The following CSNK2A2 variants were observed in gnomAD, a reference collection of about 807,000 sequenced individuals.
CSNK2A2 encodes the protein casein kinase 2 alpha 2.
In CSNK2A2, 8 loss-of-function variants were observed where a neutral mutation model predicts 54.0. The ratio of observed to expected loss-of-function variants is 0.15; its 90% CI spans 0.09 to 0.27. The LOEUF is 0.27. Among genes scored for constraint, CSNK2A2 ranks in the 10% least tolerant of loss-of-function variants. The pLI, the probability that CSNK2A2 is intolerant of heterozygous loss-of-function variation, is 1.00. For missense variants in CSNK2A2, 242 were observed against 439.4 expected (o/e 0.55, Z 4.02); for synonymous variants, 141 against 153.9 (o/e 0.92, Z 0.62).
chr16:58,189,443 C>G (rs1203064713), intron 2 of CSNK2A2, among the ~76,000 whole-genome samples: 1 of 152,196 alleles, frequency 6.6e-6, no homozygotes, highest in African/African-American at 2.4e-5. Context: ...TCTTCTAATT[C>G]TAACAGTACT....
chr16:58,197,785 G>A lies in CSNK2A2; in HGVS notation c.-49C>T, dbSNP rs1045122658. The A allele has an allele frequency of 1.6e-4, 83 of 530,326 alleles. No homozygotes were observed. Among genetic ancestry groups the A allele is most frequent in the Non-Finnish European group, 1.9e-4 (80 of 415,036 alleles). The allele number at this position is 530,326 out of a possible 1,614,324, so 32.9% of individuals were successfully genotyped here. On this transcript the variant is annotated 5_prime_UTR_variant, in exon 1 of 12. Coordinates refer to ENST00000262506, the MANE Select transcript of CSNK2A2 (RefSeq NM_001896.4). The surrounding 1 kb of genome is among the most constrained non-coding windows in gnomAD (Gnocchi z 4.0). The stretch of plus-strand genomic sequence containing the variant: ...GCGGGGCGCAGAGGGTGGCGGCGGC[G>A]GCGCGGCGGGGGACGCGGGGCGTCG...
intron 3 of CSNK2A2, 87 bp from the exon 4 acceptor site, chr16:58,184,397 C>A: frequency 1.1e-6 from 1 of 898,464 alleles, no homozygotes; most frequent in South Asian, 1.6e-5. Context: ...TCCCCAAATC[C>A]TACTTAGGTA....
chr16:58,170,543 T>A (rs12920950), intron 5 of CSNK2A2, among the ~76,000 whole-genome samples: 14,174 of 152,160 alleles, frequency 0.093, 780 homozygotes, highest in East Asian at 0.15. Context: ...TTTAAACTTT[T>A]AAGAAACTGC....
intron 4 of CSNK2A2, among the ~76,000 whole-genome samples, chr16:58,178,979 CAGCTATA>C (rs1961953553): frequency 6.6e-6 from 1 of 152,120 alleles, no homozygotes; most frequent in Non-Finnish European, 1.5e-5. Context: ...CACAAACACA[CAGCTATA>C]AAGAACATTA....
chr16:58,186,154 T>C (rs1328537602), intron 3 of CSNK2A2, among the ~76,000 whole-genome samples: 2 of 152,182 alleles, frequency 1.3e-5, no homozygotes, highest in Admixed American at 6.5e-5. Context: ...AAGGTTAAGT[T>C]ACTCCCTAGG....
intron 4 of CSNK2A2, among the ~76,000 whole-genome samples, chr16:58,182,268 C>A (rs1013711416): frequency 6.7e-6 from 1 of 148,184 alleles, no homozygotes; most frequent in Non-Finnish European, 1.5e-5. Flanking sequence ...CGGTGGCTCA[C>A]GCTTGTAATC....
intron 3 of CSNK2A2, among the ~76,000 whole-genome samples, chr16:58,185,662 T>C (rs1406432612): frequency 6.6e-6 from 1 of 152,188 alleles, no homozygotes; most frequent in Non-Finnish European, 1.5e-5. Flanking sequence ...AATCAATTTG[T>C]GCTAAAAGGA....
chr16:58,195,471 GAA>G (rs1482836367), intron 2 of CSNK2A2, among the ~76,000 whole-genome samples: 1 of 151,804 alleles, frequency 6.6e-6, no homozygotes, highest in Admixed American at 6.6e-5. Context: ...CTAGCACACA[GAA>G]ACAGCTTTTC....
intron 2 of CSNK2A2, among the ~76,000 whole-genome samples, chr16:58,193,206 G>A (rs1026846593): frequency 2.0e-5 from 3 of 152,086 alleles, no homozygotes; most frequent in Non-Finnish European, 4.4e-5. Context: ...CCTACCACAG[G>A]AGAAATAAAG....
intron 2 of CSNK2A2, among the ~76,000 whole-genome samples, chr16:58,187,471 C>A (rs1352064819): frequency 6.6e-6 from 1 of 152,172 alleles, no homozygotes; most frequent in Non-Finnish European, 1.5e-5. Context: ...AAGGAGAAAT[C>A]AATCTGATAC....
At chr16:58,165,390 A>C (rs756577618) in intron 10 of CSNK2A2, among the ~76,000 whole-genome samples, 170 bp downstream of exon 10, 1 of 152,262 alleles carries the variant, frequency 6.6e-6, no homozygotes, top group Non-Finnish European at 1.5e-5. Context: ...TTGGTGATCA[A>C]GAAACGGATC....
At chr16:58,162,389 TC>T (rs1438992335) in intron 11 of CSNK2A2, 1 of 152,176 alleles carries the variant, frequency 6.6e-6, no homozygotes, top group African/African-American at 2.4e-5. Flanking sequence ...CTGAATGCAT[TC>T]CTTGGCTTTG....
chr16:58,188,321 C>G (rs1298089896), intron 2 of CSNK2A2, among the ~76,000 whole-genome samples: 2 of 152,202 alleles, frequency 1.3e-5, no homozygotes, highest in Non-Finnish European at 2.9e-5. Flanking sequence ...TTCCCCGACT[C>G]CACTTAGAAA....
intron 2 of CSNK2A2, 81 bp from the exon 3 acceptor site, chr16:58,186,937 G>C (rs1177335701): frequency 1.8e-6 from 2 of 1,093,282 alleles, no homozygotes; most frequent in Non-Finnish European, 2.8e-6. Flanking sequence ...TAGCCAATCA[G>C]ATGGATAGTA....
chr16:58,196,853 G>A lies in CSNK2A2; in HGVS notation c.105-9C>T, dbSNP rs771502536. On this transcript the variant is annotated splice_polypyrimidine_tract_variant and intron_variant, in intron 1 of 11. Coordinates refer to ENST00000262506, the MANE Select transcript of CSNK2A2 (RefSeq NM_001896.4). Reference sequence around the variant, plus strand: ...GGTAATCATCTTGATTACTGTAAAAGGAAGACACACACATAAATGCCAGGA... The same window carrying A: ...GGTAATCATCTTGATTACTGTAAAAAGAAGACACACACATAAATGCCAGGA... The A allele has an allele frequency of 2.6e-6, 4 of 1,552,656 alleles. No individual in the cohort carries two copies. The highest frequency in any genetic ancestry group is 3.6e-6 in the Non-Finnish European group (4 of 1,123,938).
chr16:58,159,898 A>C (rs1195912480), intron 11 of CSNK2A2: 1 of 151,456 alleles, frequency 6.6e-6, no homozygotes, highest in Admixed American at 6.6e-5. Context: ...TTATTGATTC[A>C]AAGTTGTTTT....
At chr16:58,166,794 A>G in intron 8 of CSNK2A2, 110 bp from the exon 9 acceptor site, 1 of 744,420 alleles carries the variant, frequency 1.3e-6, no homozygotes, top group Non-Finnish European at 2.3e-6. Context: ...AACCTCTAGG[A>G]ACGAGATACA....
chr16:58,168,132 C>G (rs1597110725), intron 6 of CSNK2A2, among the ~76,000 whole-genome samples: 1 of 152,168 alleles, frequency 6.6e-6, no homozygotes, highest in East Asian at 1.9e-4. Context: ...GTTATAAGCT[C>G]CAGGCGTCAG....
At chr16:58,166,064 C>A (rs1325838782) in intron 9 of CSNK2A2, among the ~76,000 whole-genome samples, 2 of 152,128 alleles carry the variant, frequency 1.3e-5, no homozygotes, top group African/African-American at 4.8e-5. Context: ...GCCTCAGAAA[C>A]AGGGAGGTTC....
Sources: allele counts gnomAD v4.1 joint callset (sites outside exome capture counted in the v4.1 genomes callset), GRCh38; gene constraint gnomAD v4.1.1; non-coding constraint Gnocchi (gnomAD v3.1); transcripts MANE v1.5; gene names NCBI Gene and HGNC (gene_info 2026-07-23, HGNC 2026-07-21).